Variants in SERGEF observed in about 807,000 individuals in gnomAD.
SERGEF encodes the protein secretion-regulating guanine nucleotide exchange factor.
In SERGEF, 51 loss-of-function variants were observed where a neutral mutation model predicts 50.0. The ratio of observed to expected loss-of-function variants is 1.02; its 90% CI spans 0.81 to 1.29. SERGEF has a LOEUF of 1.29. Among genes scored for constraint, SERGEF ranks in the 50% most tolerant of loss-of-function variants. The probability of loss-of-function intolerance (pLI) is 0.00; values close to 1 mark genes in which losing one functional copy is unlikely to be tolerated. For synonymous variants in SERGEF, 205 were observed against 212.4 expected (o/e 0.97, Z 0.30); for missense variants, 521 against 557.0 (o/e 0.94, Z 0.65).
intron 8 of SERGEF, among the ~76,000 whole-genome samples, chr11:17,980,272 T>C (rs1176788675): frequency 6.6e-6 from 1 of 152,172 alleles, no homozygotes; most frequent in African/African-American, 2.4e-5. Flanking sequence ...TTACCCAAAG[T>C]CACAAAGCTG....
intron 9 of SERGEF, among the ~76,000 whole-genome samples, chr11:17,901,845 C>A (rs1185938531): frequency 6.6e-6 from 1 of 152,214 alleles, no homozygotes; most frequent in East Asian, 1.9e-4. Flanking sequence ...TTAGTTCCCA[C>A]CCACCACTCT....
chr11:17,961,336 G>T (rs1000015826), intron 8 of SERGEF, among the ~76,000 whole-genome samples: 16 of 152,096 alleles, frequency 1.1e-4, no homozygotes, highest in Admixed American at 9.8e-4. Flanking sequence ...ATCCAAAACT[G>T]GCAAATTGTC....
rs370058671 is a variant in SERGEF, at chr11:18,007,250, A to G, written c.197-504T>C. 1.4e-4 allele frequency among the ~76,000 whole-genome samples: 21 copies of G among 152,330 alleles called. No individual in the cohort carries two copies. The East Asian group carries it at 3.3e-3, about 24-fold the overall frequency. ...ATCTTTATACCAACACAGTTGTAAA[A>G]TATAATTTTTTTCTTTACAAAGGAA... On this transcript the variant is annotated intron_variant, in intron 2 of 10. Coordinates refer to ENST00000265965, the MANE Select transcript of SERGEF (RefSeq NM_012139.4).
intron 9 of SERGEF, among the ~76,000 whole-genome samples, chr11:17,902,814 T>C (rs1034304726): frequency 1.3e-5 from 2 of 152,226 alleles, no homozygotes; most frequent in Non-Finnish European, 2.9e-5. Flanking sequence ...GCTGAGCTCA[T>C]GAGCTTTCTA....
At chr11:17,837,908 AC>A (rs1401939215) in intron 10 of SERGEF, among the ~76,000 whole-genome samples, 6 of 151,430 alleles carry the variant, frequency 4.0e-5, no homozygotes, top group African/African-American at 1.5e-4. Context: ...CTTGTGATTC[AC>A]CCGCCTCGGC....
chr11:17,906,384 T>C lies in SERGEF; in HGVS notation c.1012-28140A>G, dbSNP rs529771774. On this transcript the variant is annotated intron_variant, in intron 9 of 10. Transcript: ENST00000265965. ...TCTAAACCAGTCTCTGTCTTTTTTA[T>C]TGAGAAAAAGCCATTCTTGAGCTGC... Among the ~76,000 whole-genome samples the C allele has an allele frequency of 3.9e-5, 6 of 152,318 alleles. No homozygotes were observed. The South Asian group carries it at 8.3e-4, about 21-fold the overall frequency.
intron 10 of SERGEF, among the ~76,000 whole-genome samples, chr11:17,871,129 G>A (rs1851130288): frequency 6.6e-6 from 1 of 152,156 alleles, no homozygotes; most frequent in Admixed American, 6.6e-5. Context: ...AATGTCTTAA[G>A]TAGGGCACAA....
At chr11:17,865,014 G>A (rs147863335) in intron 10 of SERGEF, among the ~76,000 whole-genome samples, 90 of 152,274 alleles carry the variant, frequency 5.9e-4, no homozygotes, top group African/African-American at 2.1e-3. Context: ...CATATGGATC[G>A]AAGATTTAGA....
At chr11:17,969,291 T>C (rs1018363130) in intron 8 of SERGEF, among the ~76,000 whole-genome samples, 7 of 152,346 alleles carry the variant, frequency 4.6e-5, no homozygotes, top group East Asian at 1.9e-4. Flanking sequence ...CCAGTGACTC[T>C]ACAGATGTTT....
chr11:17,922,119 T>C lies in SERGEF; in HGVS notation c.1011+37351A>G, dbSNP rs189924352. 1.4e-4 allele frequency among the ~76,000 whole-genome samples: 22 copies of C among 152,302 alleles called. No individual in the cohort carries two copies. The East Asian group carries it at 3.5e-3, about 24-fold the overall frequency. ...GTTACCCAATGGCAACGTCTGAACA[T>C]GCTGAGTCAGCTGCACTTCAGGAAA... On this transcript the variant is annotated intron_variant, in intron 9 of 10. Coordinates refer to ENST00000265965, the MANE Select transcript of SERGEF (RefSeq NM_012139.4).
At chr11:17,905,150 A>T (rs970300338) in intron 9 of SERGEF, among the ~76,000 whole-genome samples, 1 of 152,216 alleles carries the variant, frequency 6.6e-6, no homozygotes, top group African/African-American at 2.4e-5. Flanking sequence ...CTCATACTGG[A>T]GACTATCCAA....
chr11:17,862,820 T>C (rs1476023263), intron 10 of SERGEF, among the ~76,000 whole-genome samples: 2 of 152,180 alleles, frequency 1.3e-5, no homozygotes, highest in African/African-American at 4.8e-5. Flanking sequence ...GCCTGGCCAT[T>C]GTCAAAGCTG....
chr11:17,928,755 C>G (rs1852296809), intron 9 of SERGEF, among the ~76,000 whole-genome samples: 1 of 152,014 alleles, frequency 6.6e-6, no homozygotes, highest in Non-Finnish European at 1.5e-5. Flanking sequence ...CAGAAGACCC[C>G]AAGGGGTCTA....
At chr11:17,845,808 C>A (rs1850597058) in intron 10 of SERGEF, among the ~76,000 whole-genome samples, 1 of 152,082 alleles carries the variant, frequency 6.6e-6, no homozygotes, top group African/African-American at 2.4e-5. Flanking sequence ...AACTAAGGTC[C>A]AGAGAGGGCC....
intron 10 of SERGEF, among the ~76,000 whole-genome samples, chr11:17,792,244 C>A (rs1849494448): frequency 6.6e-6 from 1 of 152,248 alleles, no homozygotes; most frequent in South Asian, 2.1e-4. Context: ...GAAGCGCATA[C>A]AGAGAGGATG....
chr11:17,862,527 T>G (rs573472190), intron 10 of SERGEF, among the ~76,000 whole-genome samples: 8 of 152,322 alleles, frequency 5.3e-5, no homozygotes, highest in Non-Finnish European at 1.2e-4. Context: ...CGAATGTTGC[T>G]AAAGCACTGC....
intron 10 of SERGEF, among the ~76,000 whole-genome samples, chr11:17,819,376 T>C (rs910589742): frequency 3.9e-5 from 6 of 152,236 alleles, no homozygotes; most frequent in African/African-American, 1.4e-4. Context: ...AGAGAGTTTT[T>C]TGATTAAATG....
chr11:17,866,508 C>T (rs758516856), intron 10 of SERGEF, among the ~76,000 whole-genome samples: 1 of 152,040 alleles, frequency 6.6e-6, no homozygotes, highest in East Asian at 1.9e-4. Context: ...CAGAACATAT[C>T]CCCCCTTTTT....
chr11:17,833,661 G>A (rs1413392392), intron 10 of SERGEF, among the ~76,000 whole-genome samples: 6 of 152,332 alleles, frequency 3.9e-5, no homozygotes, highest in African/African-American at 1.4e-4. Flanking sequence ...CCACAGGGGT[G>A]GAGCTGCTCA....
Sources: gnomAD v4.1 joint callset for allele counts (sites outside exome capture counted in the v4.1 genomes callset) on GRCh38, gnomAD v4.1.1 for gene constraint, MANE v1.5 for transcripts, NCBI Gene and HGNC (gene_info 2026-07-23, HGNC 2026-07-21) for gene names.